Variants in HMCN1 observed in about 807,000 individuals in gnomAD.
The protein encoded by HMCN1 is hemicentin-1.
A neutral mutation model predicts 625.9 loss-of-function variants in HMCN1; 321 were observed. The observed-to-expected ratio is 0.51, with a 90% CI of 0.47 to 0.56. HMCN1 has a LOEUF of 0.56. HMCN1 is among the 20% of genes least tolerant of loss of function. The pLI is 0.00. For missense variants in HMCN1, 6,588 were observed against 6,887.3 expected (o/e 0.96, Z 1.54); for synonymous variants, 2,425 against 2,417.6 (o/e 1.00, Z -0.09).
At position 186,038,911 on chromosome 1, in the gene HMCN1, T is replaced by A; in HGVS notation, c.5934T>A (p.Ile1978=). ...TGAACAGAGGACAGATCATTGATATTGAAAGTGCCCAGATCTCAGATGCTG... is the reference window on the plus strand; with the variant it reads ...TGAACAGAGGACAGATCATTGATATAGAAAGTGCCCAGATCTCAGATGCTG... ...TFLNRGQIID[I]ESAQISDAGI... is the part of the protein sequence containing the mutation. The change falls in exon 38 of 107, where the codon ATT becomes ATA. Residue 1978 remains isoleucine (I), a synonymous_variant. Coordinates refer to ENST00000271588, the MANE Select transcript of HMCN1 (RefSeq NM_031935.3). The A allele has an allele frequency of 6.2e-7, 1 of 1,606,156 alleles. No individual in the cohort carries two copies. The highest frequency in any genetic ancestry group is 1.1e-5 in the South Asian group (1 of 90,916).
intron 49 of HMCN1, among the ~76,000 whole-genome samples, chr1:186,067,253 T>C (rs1330266087): frequency 1.3e-5 from 2 of 152,152 alleles, no homozygotes; most frequent in African/African-American, 2.4e-5. Flanking sequence ...CTTCCTTTAA[T>C]GCTCTAGTTC....
chr1:186,114,087 G>A lies in HMCN1; in HGVS notation c.11240G>A (p.Arg3747Lys), dbSNP rs886045680. The change falls in exon 73 of 107, where the codon AGA (arginine) becomes AAA (lysine). Residue 3747 changes from arginine to lysine, a missense_variant. Physicochemically the swap from Arg to Lys is conservative, Grantham distance 26. This residue lies in a region of HMCN1 where 4,628 missense variants were observed against 4,853.1 expected (regional missense o/e 0.95). Coordinates refer to ENST00000271588, the MANE Select transcript of HMCN1 (RefSeq NM_031935.3). ...GTGCCAACTCCAAGGATAACATGGA[G>A]AAAGGATGGAGCTGTTCTAGCTGGG... ...EGVPTPRITW[R>K]KDGAVLAGNH... 1 of 1,614,120 alleles carries A rather than the reference G, an allele frequency of 6.2e-7. No individual in the cohort carries two copies. Among genetic ancestry groups the A allele is most frequent in the East Asian group, 2.2e-5 (1 of 44,864 alleles).
chr1:186,073,804 T>G (rs866370876), intron 52 of HMCN1, among the ~76,000 whole-genome samples: 1 of 151,294 alleles, frequency 6.6e-6, no homozygotes, highest in Non-Finnish European at 1.5e-5. Context: ...AAAAAAAAAC[T>G]TAAAGAAAAT....
At position 185,871,759 on chromosome 1, in the gene HMCN1, T is replaced by C. The variant is rs569800961; in HGVS notation, c.621+5896T>C. 2.2e-4 allele frequency among the ~76,000 whole-genome samples: 34 copies of C among 152,320 alleles called. 1 individual carries two copies. The South Asian group carries it at 7.0e-3, about 32-fold the overall frequency. ...TGAGTTCAATACTTAAAAAAAACTGTAAACTTTGCTGGAGTATGAATCTGG... is the reference window on the plus strand; with the variant it reads ...TGAGTTCAATACTTAAAAAAAACTGCAAACTTTGCTGGAGTATGAATCTGG... On this transcript the variant is annotated intron_variant, in intron 4 of 106. Coordinates refer to ENST00000271588, the MANE Select transcript of HMCN1 (RefSeq NM_031935.3).
intron 1 of HMCN1, among the ~76,000 whole-genome samples, chr1:185,746,606 T>C (rs1401103542): frequency 1.7e-5 from 1 of 58,016 alleles, no homozygotes; most frequent in Non-Finnish European, 3.2e-5. Context: ...TTCCTTTTCC[T>C]TTTTTTTTTT....
At position 186,117,527 on chromosome 1, in the gene HMCN1, T is replaced by C. The variant is rs778289743; in HGVS notation, c.11752T>C (p.Cys3918Arg). ...VTKHAPAVIT[C>R]TASGVPFPSI... is the part of the protein sequence containing the mutation. ...CAAACATGCCCCAGCAGTAATTACC[T>C]GCACTGCTTCGGGAGTTCCATTTCC... Residue 3918 changes from cysteine (C) to arginine (R), a missense_variant, in exon 77 of 107, where the codon TGC becomes CGC. By Grantham distance (180) the Cys-to-Arg change is radical (BLOSUM62 -3). Transcript: ENST00000271588. The C allele has an allele frequency of 1.2e-6, 2 of 1,613,622 alleles. No homozygotes were observed. Among genetic ancestry groups the C allele is most frequent in the South Asian group, 2.2e-5 (2 of 91,068 alleles).
chr1:185,826,513 G>A, intron 1 of HMCN1, among the ~76,000 whole-genome samples: 1 of 152,076 alleles, frequency 6.6e-6, no homozygotes, highest in East Asian at 1.9e-4. Flanking sequence ...GAAGATGAGG[G>A]ATACACACTG....
chr1:185,868,269 A>C (rs1327561511), intron 4 of HMCN1, among the ~76,000 whole-genome samples: 3 of 152,138 alleles, frequency 2.0e-5, no homozygotes, highest in Non-Finnish European at 4.4e-5. Flanking sequence ...TTAAATGGAG[A>C]AACTAAGCCC....
chr1:185,907,779 GACTGTGAAAAT>G (rs1426512616), intron 4 of HMCN1, among the ~76,000 whole-genome samples: 2 of 151,958 alleles, frequency 1.3e-5, no homozygotes, highest in African/African-American at 4.8e-5. Context: ...TAAGTATGTG[GACTGTGAAAAT>G]ACTGTGATGG....
intron 4 of HMCN1, among the ~76,000 whole-genome samples, chr1:185,884,465 T>C (rs1249959877): frequency 2.6e-5 from 4 of 152,002 alleles, no homozygotes; most frequent in Non-Finnish European, 5.9e-5. Context: ...TTTCTGTCTT[T>C]TTAACTCAAT....
chr1:185,870,651 A>G (rs1663554841), intron 4 of HMCN1, among the ~76,000 whole-genome samples: 1 of 152,222 alleles, frequency 6.6e-6, no homozygotes, highest in South Asian at 2.1e-4. Context: ...AAATAAGCAC[A>G]TTATGGACAG....
chr1:185,939,119 C>G (rs954350422), intron 11 of HMCN1, among the ~76,000 whole-genome samples: 5 of 151,980 alleles, frequency 3.3e-5, no homozygotes, highest in Non-Finnish European at 7.4e-5. Flanking sequence ...TTGGAGAGGC[C>G]ATGGTATGAA....
intron 73 of HMCN1, 24 bp from the exon 74 acceptor site, chr1:186,114,795 C>T (rs1385630207): frequency 1.2e-6 from 2 of 1,613,758 alleles, no homozygotes. Context: ...ATTCAGAAGA[C>T]TTCACTTGTG....
Position 186,036,255 on chromosome 1 carries a change from A to G in HMCN1, c.5750-1679A>G, listed in dbSNP as rs578248387. ...TAACCCATTGTATTAGTCCATGTTC[A>G]TGCTGCCGATAAAGACATACCCAAG... On this transcript the variant is annotated intron_variant, in intron 36 of 106. Coordinates refer to ENST00000271588, the MANE Select transcript of HMCN1 (RefSeq NM_031935.3). Among the ~76,000 whole-genome samples the G allele has an allele frequency of 5.3e-5, 8 of 152,296 alleles. No individual in the cohort carries two copies. In the East Asian group the frequency reaches 1.5e-3, roughly 29 times the overall value.
intron 1 of HMCN1, among the ~76,000 whole-genome samples, chr1:185,754,683 C>T (rs1655022385): frequency 6.6e-6 from 1 of 152,010 alleles, no homozygotes; most frequent in Non-Finnish European, 1.5e-5. Context: ...AACTCCATCT[C>T]TTTAAAAAAT....
At chr1:186,063,518 TCTTTTC>T (rs1191675509) in intron 48 of HMCN1, among the ~76,000 whole-genome samples, 1 of 145,554 alleles carries the variant, frequency 6.9e-6, no homozygotes, top group Non-Finnish European at 1.5e-5. Flanking sequence ...AGGAAGGGAG[TCTTTTC>T]CTTCAATTCA....
rs376313480 is a variant in HMCN1 at position 186,145,496 on chromosome 1, C to T, written c.14360C>T (p.Pro4787Leu). The stretch of plus-strand genomic sequence containing the variant: ...CGGCGGTACCGCACATGTGATAACC[C>T]TCCTCCCTCCAATGGGGGAAGAGCT... ...QMRRYRTCDN[P>L]PPSNGGRACG... The change falls in exon 92 of 107, where the codon CCT becomes CTT. Residue 4787 changes from proline to leucine, a missense_variant. Physicochemically the swap from Pro to Leu is moderately conservative, Grantham distance 98 (BLOSUM62 -3). Coordinates refer to ENST00000271588, the MANE Select transcript of HMCN1 (RefSeq NM_031935.3). The T allele has an allele frequency of 5.6e-6, 9 of 1,613,894 alleles. No homozygotes were observed. Among genetic ancestry groups the T allele is most frequent in the Non-Finnish European group, 7.6e-6 (9 of 1,179,982 alleles).
intron 1 of HMCN1, among the ~76,000 whole-genome samples, chr1:185,789,244 G>C (rs566122697): frequency 4.5e-4 from 69 of 152,278 alleles, no homozygotes; most frequent in African/African-American, 1.6e-3. Context: ...TTAAGAGAAG[G>C]AACAAGGATG....
At chr1:185,885,645 T>C (rs979005290) in intron 4 of HMCN1, among the ~76,000 whole-genome samples, 25 of 151,996 alleles carry the variant, frequency 1.6e-4, no homozygotes, top group African/African-American at 5.8e-4. Context: ...TGCTTATTGC[T>C]CTGTTACTAA....
Sources: allele counts gnomAD v4.1 joint callset (sites outside exome capture counted in the v4.1 genomes callset), GRCh38; gene constraint gnomAD v4.1.1; regional missense constraint gnomAD v4.1.1; transcripts MANE v1.5; gene names NCBI Gene and HGNC (gene_info 2026-07-23, HGNC 2026-07-21).